Variants in SPAG17 observed in about 807,000 individuals in gnomAD.
SPAG17 encodes sperm-associated antigen 17.
SPAG17 carries 169 observed loss-of-function variants against 273.6 expected under a neutral mutation model. That is an observed-to-expected ratio of 0.62 (90% CI 0.55 to 0.70). SPAG17 has a LOEUF of 0.70. Among genes scored for constraint, SPAG17 ranks in the 30% least tolerant of loss-of-function variants. The probability of loss-of-function intolerance (pLI) is 0.00; values close to 1 mark genes in which losing one functional copy is unlikely to be tolerated. For synonymous variants in SPAG17, 825 were observed against 873.2 expected (o/e 0.94, Z 0.97); for missense variants, 2,557 against 2,627.8 (o/e 0.97, Z 0.59).
chr1:117,994,763 CTCATCGTCCCT>C (rs1657474303), intron 34 of SPAG17, among the ~76,000 whole-genome samples: 1 of 152,066 alleles, frequency 6.6e-6, no homozygotes, highest in African/African-American at 2.4e-5. Flanking sequence ...TCATTGACAC[CTCATCGTCCCT>C]CACCAACCAC....
intron 3 of SPAG17, among the ~76,000 whole-genome samples, chr1:118,149,955 C>G (rs538132884): frequency 6.6e-6 from 1 of 152,184 alleles, no homozygotes; most frequent in Non-Finnish European, 1.5e-5. Context: ...TTGCACAAGC[C>G]CACTGGGTCA....
At position 118,086,003 on chromosome 1, in the gene SPAG17, G is replaced by C. The variant is rs768390484; in HGVS notation, c.1681C>G (p.Leu561Val). Reference protein sequence around the residue: ...MQSKLPLWEFLQFPLPPPWNN... With the variant: ...MQSKLPLWEFVQFPLPPPWNN... ...CATGGTGGGGGTAGAGGGAATTGAAGAAATTCCCACAGTGGCAACTTGGAC... is the reference window on the plus strand; with the variant it reads ...CATGGTGGGGGTAGAGGGAATTGAACAAATTCCCACAGTGGCAACTTGGAC... The change falls in exon 13 of 49, where the codon CTT becomes GTT. Residue 561 changes from leucine to valine, a missense_variant. Transcript: ENST00000336338. 1.9e-6 allele frequency: 3 copies of C among 1,613,706 alleles called. No individual in the cohort carries two copies. The South Asian group carries it at 3.3e-5, about 18-fold the overall frequency.
chr1:118,151,203 G>A (rs1387867485), intron 2 of SPAG17, 26 bp downstream of exon 2: 2 of 1,488,764 alleles, frequency 1.3e-6, no homozygotes, highest in Non-Finnish European at 9.0e-7. Flanking sequence ...TCTTCAGGTG[G>A]CTTTGAGGTA....
At chr1:118,124,246 T>A (rs1471583039) in intron 3 of SPAG17, among the ~76,000 whole-genome samples, 1 of 152,204 alleles carries the variant, frequency 6.6e-6, no homozygotes, top group Non-Finnish European at 1.5e-5. Flanking sequence ...TAGTCTAAGA[T>A]GCTCCCACCC....
At chr1:118,101,654 T>C (rs1464149072) in intron 5 of SPAG17, 86 bp downstream of exon 5, 4 of 1,339,158 alleles carry the variant, frequency 3.0e-6, no homozygotes, top group Admixed American at 2.0e-5. Flanking sequence ...ATGCGCTCTA[T>C]GTGAGTCACC....
chr1:117,999,183 T>C (rs1488383485), intron 32 of SPAG17, among the ~76,000 whole-genome samples: 1 of 152,216 alleles, frequency 6.6e-6, no homozygotes, highest in East Asian at 1.9e-4. Flanking sequence ...GTCTGCATAG[T>C]ATTCCATGGT....
chr1:117,992,241 T>A (rs1319368504), intron 36 of SPAG17, among the ~76,000 whole-genome samples: 2 of 152,174 alleles, frequency 1.3e-5, no homozygotes, highest in East Asian at 1.9e-4. Context: ...TTACAAAAAA[T>A]TCTTACTTTT....
Position 118,115,327 on chromosome 1 carries a change from G to A in SPAG17, c.430C>T (p.Arg144Trp), listed in dbSNP as rs140959339. The stretch of plus-strand genomic sequence containing the variant: ...TACAGTACCTTCTTTTCATTTTCCC[G>A]TCGCTGTTGGTCCTTAAATTTAATC... ...LQIKFKDQQR[R>W]ENEKKVIEDK... Residue 144 changes from arginine to tryptophan, a missense_variant, in exon 4 of 49, where the codon CGG becomes TGG. Arg to Trp is a moderately radical substitution (Grantham distance 101). Transcript: ENST00000336338. 3,442 of 1,613,292 alleles carry A rather than the reference G, an allele frequency of 2.1e-3. 31 individuals carry two copies. In the Admixed American group the frequency reaches 0.024, roughly 11 times the overall value.
rs1010631235 is a variant in SPAG17 at position 117,977,289 on chromosome 1, C to G, written c.6005-3728G>C. On this transcript the variant is annotated intron_variant, in intron 43 of 48. Transcript: ENST00000336338. ...TGAGTCAAGATTGTGCCACTGCACT[C>G]TAGCCTGGGCGACAGAGCAAGACTC... Among the ~76,000 whole-genome samples, 4 of 152,114 alleles carry G rather than the reference C, an allele frequency of 2.6e-5. No homozygotes were observed. In the East Asian group the frequency reaches 5.8e-4, roughly 22 times the overall value.
At chr1:118,015,860 A>C (rs1449000577) in intron 29 of SPAG17, 105 bp downstream of exon 29, 1 of 994,136 alleles carries the variant, frequency 1.0e-6, no homozygotes, top group Non-Finnish European at 1.5e-6. Flanking sequence ...CCACTACTTA[A>C]CAGACATTTA....
At chr1:118,005,677 GGAGA>G (rs1176924352) in intron 31 of SPAG17, 75 bp from the exon 32 acceptor site, 8 of 1,090,962 alleles carry the variant, frequency 7.3e-6, no homozygotes, top group African/African-American at 3.3e-5. Context: ...AACCATTTTA[GGAGA>G]AAGAATACCC....
At chr1:118,105,259 A>G (rs549237130) in intron 4 of SPAG17, among the ~76,000 whole-genome samples, 19 of 152,312 alleles carry the variant, frequency 1.2e-4, no homozygotes, top group African/African-American at 4.6e-4. Context: ...AGATGACGTA[A>G]GAGTTATCTT....
intron 45 of SPAG17, among the ~76,000 whole-genome samples, chr1:117,971,257 C>T (rs1023269887): frequency 2.0e-5 from 3 of 152,036 alleles, no homozygotes; most frequent in Non-Finnish European, 2.9e-5. Flanking sequence ...TATGGTTTAC[C>T]GATCCAATGG....
rs551597348 is a variant in SPAG17 at position 118,057,708 on chromosome 1, T to G, written c.2541-1794A>C. 2.0e-5 allele frequency among the ~76,000 whole-genome samples: 3 copies of G among 152,244 alleles called. No homozygotes were observed. In the East Asian group the frequency reaches 5.8e-4, roughly 29 times the overall value. Reference sequence around the variant, plus strand: ...AAGGTCAAGAAAAAAAGCAGTATGATTTACAATTAAATGTAACTATGCTAC... The same window carrying G: ...AAGGTCAAGAAAAAAAGCAGTATGAGTTACAATTAAATGTAACTATGCTAC... On this transcript the variant is annotated intron_variant, in intron 18 of 48. Coordinates refer to ENST00000336338, the MANE Select transcript of SPAG17 (RefSeq NM_206996.4).
intron 1 of SPAG17, among the ~76,000 whole-genome samples, chr1:118,158,551 C>T (rs887802494): frequency 3.9e-5 from 6 of 152,142 alleles, no homozygotes; most frequent in East Asian, 1.9e-4. Context: ...TGTCATGCAG[C>T]GCTAGTTCTT....
intron 13 of SPAG17, among the ~76,000 whole-genome samples, chr1:118,082,744 T>C (rs1249410632): frequency 6.6e-6 from 1 of 152,154 alleles, no homozygotes; most frequent in African/African-American, 2.4e-5. Flanking sequence ...GGGCTTCTAG[T>C]TTATATAAAG....
chr1:118,177,644 T>C (rs1570835089), intron 1 of SPAG17, among the ~76,000 whole-genome samples: 1 of 152,154 alleles, frequency 6.6e-6, no homozygotes, highest in Non-Finnish European at 1.5e-5. Flanking sequence ...AGTTGGTTTT[T>C]TTGAAAAGAT....
At chr1:118,116,682 T>G (rs1017853146) in intron 3 of SPAG17, among the ~76,000 whole-genome samples, 53 of 152,206 alleles carry the variant, frequency 3.5e-4, no homozygotes, top group Non-Finnish European at 7.4e-4. Flanking sequence ...AAAATGTAAC[T>G]GGACCTCATA....
At chr1:118,103,834 A>C (rs913630298) in intron 4 of SPAG17, among the ~76,000 whole-genome samples, 1 of 31,238 alleles carries the variant, frequency 3.2e-5, no homozygotes, top group Non-Finnish European at 7.5e-5. Context: ...GAAGCAGGGA[A>C]AATGTAGTGT....
Sources: gnomAD v4.1 joint callset for allele counts (sites outside exome capture counted in the v4.1 genomes callset) on GRCh38, gnomAD v4.1.1 for gene constraint, MANE v1.5 for transcripts, NCBI Gene and HGNC (gene_info 2026-07-23, HGNC 2026-07-21) for gene names.